TUT4: variants seen among roughly 807,000 people sequenced by gnomAD.
TUT4 encodes terminal uridylyl transferase 4, also known as terminal uridylyltransferase 4.
In TUT4, 36 loss-of-function variants were observed where a neutral mutation model predicts 192.2. The ratio of observed to expected loss-of-function variants is 0.19; its 90% confidence interval spans 0.14 to 0.25. The LOEUF (loss-of-function observed/expected upper bound fraction) is 0.25, where lower values mean the gene tolerates loss of function less well. Ranked by LOEUF, TUT4 falls within the 10% of genes least tolerant of loss-of-function variation. The pLI is 1.00. For synonymous variants in TUT4, 618 were observed against 666.0 expected (o/e 0.93, Z 1.11); for missense variants, 1,493 against 1,957.2 (o/e 0.76, Z 4.47).
intron 24 of TUT4, among the ~76,000 whole-genome samples, chr1:52,442,649 T>C (rs1297195598): frequency 6.6e-6 from 1 of 152,202 alleles, no homozygotes; most frequent in Non-Finnish European, 1.5e-5. Flanking sequence ...GCTCAGTAAA[T>C]TTCAGGCTTC....
At chr1:52,467,985 TA>T (rs982123802) in intron 15 of TUT4, among the ~76,000 whole-genome samples, 195 bp downstream of exon 15, 1 of 152,220 alleles carries the variant, frequency 6.6e-6, no homozygotes, top group African/African-American at 2.4e-5. Flanking sequence ...TAATATTATA[TA>T]TTTATTAGTC....
At chr1:52,446,561 C>G in intron 21 of TUT4, 29 bp downstream of exon 21, 1 of 1,576,706 alleles carries the variant, frequency 6.3e-7, no homozygotes, top group Non-Finnish European at 8.6e-7. Context: ...AGTGAGCATT[C>G]TAGAACATAA....
chr1:52,449,353 C>T (rs913410302), intron 20 of TUT4, among the ~76,000 whole-genome samples: 6 of 152,212 alleles, frequency 3.9e-5, no homozygotes, highest in African/African-American at 1.4e-4. Context: ...GGCTGGAGTG[C>T]AGTGGCACAA....
At chr1:52,455,482 A>AC (rs1481616028) in intron 20 of TUT4, among the ~76,000 whole-genome samples, 1 of 151,296 alleles carries the variant, frequency 6.6e-6, no homozygotes, top group African/African-American at 2.4e-5. Context: ...GGTGGTGTGC[A>AC]CCCGTAGTCC....
At chr1:52,465,287 T>A in intron 15 of TUT4, 114 bp from the exon 16 acceptor site, 1 of 654,702 alleles carries the variant, frequency 1.5e-6, no homozygotes, top group Non-Finnish European at 2.5e-6. Context: ...TGATTTAAAT[T>A]ACCTACCACT....
chr1:52,461,897 CAAGT>C (rs1662663028), intron 16 of TUT4, 128 bp from the exon 17 acceptor site: 4 of 586,896 alleles, frequency 6.8e-6, no homozygotes, highest in South Asian at 4.5e-5. Flanking sequence ...CTTGCTACTC[CAAGT>C]AAGTGATTCA....
At chr1:52,507,418 T>C (rs1675901233) in intron 4 of TUT4, among the ~76,000 whole-genome samples, 1 of 152,186 alleles carries the variant, frequency 6.6e-6, no homozygotes, top group African/African-American at 2.4e-5. Context: ...AGGCCATTTG[T>C]TTTTCATTCA....
chr1:52,455,569 G>A (rs1019772965), intron 20 of TUT4, among the ~76,000 whole-genome samples: 12 of 132,110 alleles, frequency 9.1e-5, no homozygotes, highest in Non-Finnish European at 1.9e-4. Flanking sequence ...TGATTGCACA[G>A]TCCAGCCCGG....
chr1:52,512,376 A>G (rs893288618), intron 3 of TUT4, among the ~76,000 whole-genome samples: 2 of 152,226 alleles, frequency 1.3e-5, no homozygotes, highest in African/African-American at 2.4e-5. Context: ...GCTAGGTGTT[A>G]TAATTGTTAT....
chr1:52,469,891 C>CA (rs773732659), intron 14 of TUT4, among the ~76,000 whole-genome samples: 3,559 of 68,656 alleles, frequency 0.052, 149 homozygotes, highest in African/African-American at 0.13. Flanking sequence ...ACTCAGTCTC[C>CA]AAAAAAAAAA....
At chr1:52,482,518 C>G (rs749489067) in intron 9 of TUT4, among the ~76,000 whole-genome samples, 7 of 152,164 alleles carry the variant, frequency 4.6e-5, no homozygotes, top group Non-Finnish European at 8.8e-5. Flanking sequence ...TGACTCACTG[C>G]AGGCTCAACC....
At chr1:52,536,200 A>G (rs535651123) in intron 1 of TUT4, among the ~76,000 whole-genome samples, 2 of 152,362 alleles carry the variant, frequency 1.3e-5, no homozygotes, top group Admixed American at 6.5e-5. Flanking sequence ...TAATAGGCAC[A>G]AACTATATAA....
At chr1:52,429,256 TG>T (rs1482655223) in intron 28 of TUT4, among the ~76,000 whole-genome samples, 7 of 151,610 alleles carry the variant, frequency 4.6e-5, no homozygotes, top group Non-Finnish European at 1.0e-4. Context: ...GCTGATTTTT[TG>T]TATTTTTTAA....
chr1:52,423,696 T>C lies in TUT4; in HGVS notation c.*239A>G. The C allele has an allele frequency of 1.1e-6, 1 of 886,932 alleles. No homozygotes were observed. Among genetic ancestry groups the C allele is most frequent in the Admixed American group, 3.1e-5 (1 of 32,742 alleles). The allele number at this position is 886,932 out of a possible 1,614,324, so 54.9% of individuals were successfully genotyped here. On this transcript the variant is annotated 3_prime_UTR_variant, in exon 30 of 30. Coordinates refer to ENST00000257177, the MANE Select transcript of TUT4 (RefSeq NM_001009881.3). Reference sequence around the variant, plus strand: ...GTATCACTCAATTTGGTGATACTAGTAAAAACTATAGTTCATATTTATATA... The same window carrying C: ...GTATCACTCAATTTGGTGATACTAGCAAAAACTATAGTTCATATTTATATA...
chr1:52,519,721 C>T (rs995531567), intron 2 of TUT4, among the ~76,000 whole-genome samples: 1 of 152,092 alleles, frequency 6.6e-6, no homozygotes, highest in African/African-American at 2.4e-5. Context: ...GTTGGCCAAG[C>T]TGTTTTCGAA....
chr1:52,553,251 G>A (rs554659018), upstream of TUT4, among the ~76,000 whole-genome samples: 4 of 151,498 alleles, frequency 2.6e-5, no homozygotes, highest in African/African-American at 7.3e-5. Context: ...TGGCCCGGGA[G>A]AGGAGGAGCT....
chr1:52,471,008 C>CTTTTTT lies in TUT4; in HGVS notation c.2878+938_2878+943dup, dbSNP rs771331613. On this transcript the variant is annotated intron_variant, in intron 14 of 29. Transcript: ENST00000257177. ...CCCCAAACAAATTATGCACTCTATGCTTTTTTTTTTTTTTTTTTTTTTTTT... is the reference window on the plus strand; with the variant it reads ...CCCCAAACAAATTATGCACTCTATGCTTTTTTTTTTTTTTTTTTTTTTTTTTTTTTT... Among the ~76,000 whole-genome samples, 4 of 82,156 alleles carry CTTTTTT rather than the reference C, an allele frequency of 4.9e-5. No homozygotes were observed. The East Asian group carries it at 1.4e-3, about 29-fold the overall frequency. The allele number at this position is 82,156 out of a possible 152,430, so 53.9% of individuals were successfully genotyped here.
intron 19 of TUT4, among the ~76,000 whole-genome samples, chr1:52,459,409 C>T (rs1051958174): frequency 1.9e-4 from 29 of 150,580 alleles, no homozygotes; most frequent in Admixed American, 5.3e-4. Context: ...GGCAACATGG[C>T]GAAACCCCAT....
At chr1:52,471,794 T>TG (rs112676841) in intron 14 of TUT4, among the ~76,000 whole-genome samples, 158 bp downstream of exon 14, 13,373 of 152,260 alleles carry the variant, frequency 0.088, 1,940 homozygotes, top group African/African-American at 0.3. Flanking sequence ...CATGATGCCC[T>TG]GCACATAATA....
Sources: gnomAD v4.1 joint callset for allele counts (sites outside exome capture counted in the v4.1 genomes callset) on GRCh38, gnomAD v4.1.1 for gene constraint, MANE v1.5 for transcripts, NCBI Gene and HGNC (gene_info 2026-07-23, HGNC 2026-07-21) for gene names.